PECAM1: variants seen among roughly 807,000 people sequenced by gnomAD.
The protein encoded by PECAM1 is platelet and endothelial cell adhesion molecule 1.
A neutral mutation model predicts 13.8 loss-of-function variants in PECAM1; 8 were observed. The ratio of observed to expected loss-of-function variants is 0.58; its 90% confidence interval spans 0.34 to 1.05. The LOEUF is 1.05. PECAM1 is among the 50% of genes least tolerant of loss of function. The pLI is 0.03. For missense variants in PECAM1, 304 were observed against 141.2 expected, an observed-to-expected ratio of 2.15 and a Z score of -5.84; for synonymous variants, 136 against 52.6, an observed-to-expected ratio of 2.58 and a Z score of -6.86.
chr17:64,382,727 T>TA (rs1401094888), intron 2 of PECAM1, among the ~76,000 whole-genome samples: 12 of 151,860 alleles, frequency 7.9e-5, no homozygotes, highest in African/African-American at 2.9e-4. Context: ...AGGGATTTTT[T>TA]TTTTTTTCAA....
chr17:64,352,278 G>C, intron 11 of PECAM1, 112 bp downstream of exon 11: 1 of 415,322 alleles, frequency 2.4e-6, no homozygotes. Flanking sequence ...TTGAAGCCAG[G>C]GTTTCTCTTC....
At chr17:64,366,829 T>TGGGGGGA in intron 5 of PECAM1, among the ~76,000 whole-genome samples, 1 of 50,152 alleles carries the variant, frequency 2.0e-5, no homozygotes, top group Non-Finnish European at 3.5e-5. Context: ...TGTAGTGGGG[T>TGGGGGGA]GGGGGGAGGG....
At chr17:64,352,559 C>G (rs2035749970) in intron 10 of PECAM1, 96 bp from the exon 11 acceptor site, 3 of 400,982 alleles carry the variant, frequency 7.5e-6, no homozygotes, top group African/African-American at 6.2e-5. Context: ...AAGGGAAGAT[C>G]ATGAGAAAAC....
chr17:64,344,174 G>C (rs1258957891), intron 13 of PECAM1, among the ~76,000 whole-genome samples: 4 of 151,996 alleles, frequency 2.6e-5, no homozygotes, highest in African/African-American at 7.3e-5. Context: ...GAGAGGGCTT[G>C]GTGTTTGGGC....
At chr17:64,385,606 C>T (rs1342492986) in intron 2 of PECAM1, among the ~76,000 whole-genome samples, 3 of 152,076 alleles carry the variant, frequency 2.0e-5, no homozygotes, top group African/African-American at 7.2e-5. Context: ...GTGCCAGGTG[C>T]TGGGCTGACA....
chr17:64,354,934 C>T lies in PECAM1; in HGVS notation c.1887G>A (p.Lys629=), dbSNP rs1348371085. The stretch of plus-strand genomic sequence containing the variant: ...ATGGAAGGAAAGAACTATGCTCACC[C>T]TTGGCTTTCCTCAGAAAATAACATT... ...AAKCYFLRKA[K]AKQMPVEMSR... Residue 629 remains lysine (K), a splice_region_variant and synonymous_variant, in exon 9 of 16, where the codon AAG becomes AAA. Transcript: ENST00000563924. 2 of 475,228 alleles carry T rather than the reference C, an allele frequency of 4.2e-6. No individual in the cohort carries two copies. The highest frequency in any genetic ancestry group is 7.7e-6 in the Non-Finnish European group (2 of 259,060). The allele number at this position is 475,228 out of a possible 1,614,324, so 29.4% of individuals were successfully genotyped here. A position where few individuals can be genotyped will look rare whatever the true frequency, so the allele number is the denominator to read the frequency against.
chr17:64,390,085 A>T (rs1239310950), intron 2 of PECAM1: 2 of 186,652 alleles, frequency 1.1e-5, no homozygotes, highest in African/African-American at 4.7e-5. Flanking sequence ...TGCTACTTAT[A>T]ATTGTGTTTT....
intron 7 of PECAM1, among the ~76,000 whole-genome samples, chr17:64,358,111 CTTTTTTTTTTTT>C (rs141671796): frequency 2.8e-5 from 2 of 71,534 alleles, no homozygotes; most frequent in Admixed American, 2.6e-4. Context: ...TGGCCACAGT[CTTTTTTTTTTTT>C]TTTTTTTTTT....
intron 5 of PECAM1, among the ~76,000 whole-genome samples, chr17:64,364,087 A>G (rs2036047284): frequency 6.6e-6 from 1 of 152,206 alleles, no homozygotes; most frequent in Non-Finnish European, 1.5e-5. Context: ...CAAGCCTAAT[A>G]AAGAAAAAAA....
intron 14 of PECAM1, among the ~76,000 whole-genome samples, chr17:64,331,664 G>A (rs782216127): frequency 1.9e-4 from 29 of 152,282 alleles, no homozygotes; most frequent in Non-Finnish European, 1.9e-4. Flanking sequence ...TAGAGATGGT[G>A]TTTCCTATGA....
chr17:64,324,635 A>G (rs1297844821), intron 15 of PECAM1, among the ~76,000 whole-genome samples: 1 of 152,214 alleles, frequency 6.6e-6, no homozygotes, highest in Non-Finnish European at 1.5e-5. Context: ...TTTAATTTTG[A>G]AAATGAAGGA....
At chr17:64,340,451 A>G (rs1371460059) in intron 14 of PECAM1, among the ~76,000 whole-genome samples, 1 of 152,112 alleles carries the variant, frequency 6.6e-6, no homozygotes, top group Non-Finnish European at 1.5e-5. Context: ...CTTTCCAAGA[A>G]CCCACTTAAA....
At position 64,377,999 on chromosome 17, in the gene PECAM1, C is replaced by T. The variant is rs937308784; in HGVS notation, c.210G>A (p.Gln70=). 1 of 475,348 alleles carries T rather than the reference C, an allele frequency of 2.1e-6. No individual in the cohort carries two copies. The highest frequency in any genetic ancestry group is 3.9e-6 in the Non-Finnish European group (1 of 259,042). 29.4% of individuals were successfully genotyped at this position (475,348 alleles called of 1,614,324 possible). The change falls in exon 3 of 16, where the codon CAG becomes CAA. Residue 70 remains glutamine (Q), a synonymous_variant. Coordinates refer to ENST00000563924, the MANE Select transcript of PECAM1 (RefSeq NM_000442.5). ...CATCCTTATAGAACAGCATCTGGTG[C>T]TGAGGCTTGACGTGAGAGGTGGTGC... ...DVSTTSHVKP[Q]HQMLFYKDDV... is the part of the protein sequence containing the mutation.
In PECAM1 at chr17:64,375,317, G is replaced by A. The variant is rs1380068300; in HGVS notation, c.425C>T (p.Ala142Val). The A allele has an allele frequency of 1.7e-5, 8 of 474,552 alleles. No homozygotes were observed. Among genetic ancestry groups the A allele is most frequent in the African/African-American group, 1.2e-4 (6 of 50,384 alleles). 29.4% of individuals were successfully genotyped at this position (474,552 alleles called of 1,614,324 possible). ...SPRVTLDKKE[A>V]IQGGIVRVNC... is the part of the protein sequence containing the mutation. ...GACCCTCACGATCCCACCTTGGATG[G>A]CCTCTTTCTTGTCCAGTGTCACCCT... The change falls in exon 4 of 16, where the codon GCC (alanine) becomes GTC (valine). Residue 142 changes from alanine to valine, a missense_variant. By Grantham distance (64) the Ala-to-Val change is moderately conservative. Transcript: ENST00000563924.
intron 15 of PECAM1, 151 bp from the exon 16 acceptor site, chr17:64,323,996 C>G (rs1170324065): frequency 3.6e-6 from 3 of 839,670 alleles, no homozygotes; most frequent in Non-Finnish European, 6.2e-6. Context: ...AGGGTTCTCT[C>G]TGTGACTTCA....
chr17:64,371,508 C>CA (rs1268741702), intron 4 of PECAM1, among the ~76,000 whole-genome samples: 2 of 151,858 alleles, frequency 1.3e-5, no homozygotes, highest in African/African-American at 4.8e-5. Flanking sequence ...CCCTCCATCT[C>CA]AAAAAACATA....
intron 13 of PECAM1, among the ~76,000 whole-genome samples, chr17:64,344,001 G>T (rs1879845321): frequency 6.6e-6 from 1 of 152,194 alleles, no homozygotes; most frequent in Non-Finnish European, 1.5e-5. Context: ...CCAGCTTTCA[G>T]GAGCTCCAGG....
In PECAM1 at chr17:64,390,513, A is replaced by G; in HGVS notation, c.67T>C (p.Ser23Pro). ...LGVLLTLLLC[S>P]SLEGQENSFT... ...CAGTTTTCTTGACCCTCAAGGCTTG[A>G]ACCTGCAAGAAACATAAGAAACATG... The change falls in exon 2 of 16, where the codon TCA becomes CCA. Residue 23 changes from serine to proline, a missense_variant and splice_region_variant. By Grantham distance (74) the Ser-to-Pro change is moderately conservative (BLOSUM62 -1). Coordinates refer to ENST00000563924, the MANE Select transcript of PECAM1 (RefSeq NM_000442.5). The G allele has an allele frequency of 2.1e-6, 1 of 474,366 alleles. No homozygotes were observed. The highest frequency in any genetic ancestry group is 6.8e-5 in the South Asian group (1 of 14,688). The allele number at this position is 474,366 out of a possible 1,614,324, so 29.4% of individuals were successfully genotyped here. A position where few individuals can be genotyped will look rare whatever the true frequency, so the allele number is the denominator to read the frequency against.
Position 64,369,977 on chromosome 17 carries a change from A to C in PECAM1, c.740T>G (p.Met247Arg). 1 of 398,638 alleles carries C rather than the reference A, an allele frequency of 2.5e-6. No homozygotes were observed. Among genetic ancestry groups the C allele is most frequent in the Non-Finnish European group, 4.4e-6 (1 of 226,086 alleles). 24.7% of individuals were successfully genotyped at this position (398,638 alleles called of 1,614,324 possible). ...KFHISPTGMI[M>R]EGAQLHIKCT... ...CTTAATGTGGAGCTGAGCTCCTTCC[A>C]TGATCATTCCGGTGGGGCTGATGTG... Residue 247 changes from methionine (M) to arginine (R), a missense_variant, in exon 5 of 16, where the codon ATG (methionine) becomes AGG (arginine). Met to Arg is a moderately conservative substitution (Grantham distance 91). Transcript: ENST00000563924.
Sources: allele counts gnomAD v4.1 joint callset (sites outside exome capture counted in the v4.1 genomes callset), GRCh38; gene constraint gnomAD v4.1.1; transcripts MANE v1.5; gene names NCBI Gene and HGNC (gene_info 2026-07-23, HGNC 2026-07-21).